The following TUSC3 variants were observed in gnomAD, a reference collection of about 807,000 sequenced individuals.
TUSC3 encodes the protein tumor suppressor candidate 3.
TUSC3 carries 45 observed loss-of-function variants against 44.8 expected under a neutral mutation model. The ratio of observed to expected loss-of-function variants is 1.00; its 90% CI spans 0.79 to 1.29. The LOEUF (loss-of-function observed/expected upper bound fraction) is 1.29. Ranked by LOEUF, TUSC3 falls within the 50% of genes most tolerant of loss-of-function variation. The pLI is 0.00. For synonymous variants in TUSC3, 212 were observed against 152.9 expected (o/e 1.39, Z -2.85); for missense variants, 519 against 437.9 (o/e 1.19, Z -1.65).
intron 2 of TUSC3, among the ~76,000 whole-genome samples, chr8:15,626,493 G>C (rs751534353): frequency 1.4e-4 from 21 of 152,232 alleles, no homozygotes; most frequent in Non-Finnish European, 2.9e-4. Context: ...CTGTGGACCA[G>C]TATATCCGTG....
At chr8:15,690,017 G>A (rs953039132) in intron 6 of TUSC3, among the ~76,000 whole-genome samples, 1 of 151,718 alleles carries the variant, frequency 6.6e-6, no homozygotes, top group African/African-American at 2.4e-5. Context: ...ATATTTTTTG[G>A]GGTGTATACA....
chr8:15,611,788 C>T (rs1804772830), intron 1 of TUSC3, among the ~76,000 whole-genome samples: 1 of 151,922 alleles, frequency 6.6e-6, no homozygotes, highest in South Asian at 2.1e-4. Flanking sequence ...TTTTTTGGTT[C>T]CTAGAAGCAT....
intron 1 of TUSC3, among the ~76,000 whole-genome samples, chr8:15,615,932 A>C (rs1011153339): frequency 1.3e-5 from 2 of 152,176 alleles, no homozygotes; most frequent in Non-Finnish European, 1.5e-5. Flanking sequence ...TGTGGACTCA[A>C]GTGATCCTCT....
chr8:15,436,018 T>G (rs1373920161), intron 1 of TUSC3, among the ~76,000 whole-genome samples: 1 of 152,140 alleles, frequency 6.6e-6, no homozygotes, highest in African/African-American at 2.4e-5. Flanking sequence ...GGGGCTGCAG[T>G]TATCTGAAGC....
chr8:15,816,525 T>G, the TUSC3 span, among the ~76,000 whole-genome samples: 2 of 152,084 alleles, frequency 1.3e-5, no homozygotes, highest in Admixed American at 1.3e-4. Flanking sequence ...CAGCAATGAG[T>G]AGTGGAAAGG....
chr8:15,786,533 T>C, the TUSC3 span, among the ~76,000 whole-genome samples: 4 of 152,198 alleles, frequency 2.6e-5, no homozygotes, highest in African/African-American at 9.7e-5. Context: ...AATCTAGAAC[T>C]GATCAAGGAT....
intron 6 of TUSC3, chr8:15,689,411 CT>C (rs1308926791): frequency 4.9e-6 from 1 of 203,142 alleles, no homozygotes; most frequent in Non-Finnish European, 1.0e-5. Context: ...CGAAGGCGAC[CT>C]TGTTGTTCTT....
chr8:15,431,572 G>C (rs1799874097), intron 1 of TUSC3, among the ~76,000 whole-genome samples: 2 of 150,740 alleles, frequency 1.3e-5, no homozygotes, highest in Admixed American at 6.6e-5. Flanking sequence ...AACAGTGCTT[G>C]GCAAACTCTT....
intron 6 of TUSC3, among the ~76,000 whole-genome samples, chr8:15,687,606 C>G (rs1024340530): frequency 7.2e-5 from 11 of 152,184 alleles, no homozygotes; most frequent in African/African-American, 2.4e-4. Flanking sequence ...ATCCTAACGT[C>G]TGACTGAATC....
rs1276079521 is a variant in TUSC3, at chr8:15,448,117, A to ATATATATATATATTTATTTATTTATT, written n.91+30815_91+30816insATATATATATTTATTTATTTATTTAT. On this transcript the variant is annotated intron_variant and non_coding_transcript_variant, in intron 1 of 5. Transcript: ENST00000503191. Reference sequence around the variant, plus strand: ...TATGGTAGTGTATATACATATATATATATTTATTTATTTATTTTTTAGATG... The same window carrying ATATATATATATATTTATTTATTTATT: ...TATGGTAGTGTATATACATATATATATATATATATATATTTATTTATTTATTTATTTATTTATTTATTTTTTAGATG... Among the ~76,000 whole-genome samples the ATATATATATATATTTATTTATTTATT allele has an allele frequency of 6.8e-4, 64 of 93,752 alleles. 1 individual carries two copies. Among genetic ancestry groups the ATATATATATATATTTATTTATTTATT allele is most frequent in the East Asian group, 1.9e-3 (7 of 3,656 alleles). The allele number at this position is 93,752 out of a possible 152,430, so 61.5% of individuals were successfully genotyped here.
intron 1 of TUSC3, among the ~76,000 whole-genome samples, chr8:15,422,076 A>G (rs923935376): frequency 6.6e-5 from 10 of 152,086 alleles, no homozygotes; most frequent in Non-Finnish European, 1.3e-4. Context: ...TTCTTTACCC[A>G]TCTTTCTGAT....
intron 2 of TUSC3, among the ~76,000 whole-genome samples, chr8:15,624,334 C>A (rs556714901): frequency 2.0e-5 from 3 of 152,106 alleles, no homozygotes; most frequent in African/African-American, 7.2e-5. Flanking sequence ...AAGAATGCCA[C>A]AGAGTGTGGT....
In TUSC3 at chr8:15,593,303, C is replaced by A. The variant is rs148487062; in HGVS notation, c.139-29777C>A. 7.7e-3 allele frequency among the ~76,000 whole-genome samples: 1,167 copies of A among 152,184 alleles called. 9 individuals are homozygous for A. Among genetic ancestry groups the A allele is most frequent in the Middle Eastern group, 0.02 (6 of 294 alleles). On this transcript the variant is annotated intron_variant, in intron 1 of 10. Coordinates refer to ENST00000503731, the MANE Select transcript of TUSC3 (RefSeq NM_006765.4). Reference sequence around the variant, plus strand: ...GTTTCACCATGTTTACCAGGTTGGTCTCGAACTCCTGACCTCAGGTGATCC... The same window carrying A: ...GTTTCACCATGTTTACCAGGTTGGTATCGAACTCCTGACCTCAGGTGATCC...
At chr8:15,774,989 A>T in the TUSC3 span, among the ~76,000 whole-genome samples, 25 of 152,154 alleles carry the variant, frequency 1.6e-4, no homozygotes. Context: ...AAAATAAGGG[A>T]AAATAGGTGT....
chr8:15,728,665 C>G (rs1810594804), intron 6 of TUSC3, among the ~76,000 whole-genome samples: 1 of 152,102 alleles, frequency 6.6e-6, no homozygotes, highest in Admixed American at 6.6e-5. Context: ...TAGCTGTTAT[C>G]AGACTTCCAG....
chr8:15,812,346 A>C, the TUSC3 span, among the ~76,000 whole-genome samples: 4 of 152,196 alleles, frequency 2.6e-5, no homozygotes, highest in Admixed American at 2.6e-4. Flanking sequence ...AACTATTTCT[A>C]TGGGAGTCAA....
At chr8:15,638,128 C>G (rs748855547) in intron 2 of TUSC3, among the ~76,000 whole-genome samples, 1 of 152,150 alleles carries the variant, frequency 6.6e-6, no homozygotes, top group Non-Finnish European at 1.5e-5. Context: ...TCAAATTCAG[C>G]TGAGATTCTG....
At chr8:15,420,586 T>C (rs1167943784) in intron 1 of TUSC3, among the ~76,000 whole-genome samples, 2 of 135,324 alleles carry the variant, frequency 1.5e-5, no homozygotes, top group Non-Finnish European at 3.1e-5. Context: ...CATTTTTGTC[T>C]GCCTCCAGTT....
At chr8:15,483,404 C>G (rs6530872) in exon 2 of TUSC3, 82,151 of 179,556 alleles carry the variant, frequency 0.46, 19,457 homozygotes, top group East Asian at 0.73. Context: ...ACAATGGCAC[C>G]ATCTCGACTC....
Sources: allele counts gnomAD v4.1 joint callset (sites outside exome capture counted in the v4.1 genomes callset), GRCh38; gene constraint gnomAD v4.1.1; transcripts MANE v1.5; gene names NCBI Gene and HGNC (gene_info 2026-07-23, HGNC 2026-07-21).